CYRIA: variants seen among roughly 807,000 people sequenced by gnomAD.
The protein encoded by CYRIA is CYFIP-related Rac1 interactor A.
Under a neutral mutation model 43.9 loss-of-function variants are expected in CYRIA, and 15 were observed. That is an observed-to-expected ratio of 0.34 (90% confidence interval 0.23 to 0.53). The LOEUF is 0.53. Among genes scored for constraint, CYRIA ranks in the 20% least tolerant of loss-of-function variants. CYRIA has a pLI of 0.94. For synonymous variants in CYRIA, 117 were observed against 136.0 expected (o/e 0.86, Z 0.97); for missense variants, 236 against 394.2 (o/e 0.60, Z 3.40).
intron 1 of CYRIA, among the ~76,000 whole-genome samples, chr2:16,624,932 G>C (rs1669110930): frequency 6.6e-6 from 1 of 152,212 alleles, no homozygotes; most frequent in South Asian, 2.1e-4. Context: ...ATGATCTACA[G>C]AGTCAAAAAG....
At chr2:16,627,242 C>T (rs1191674159) in intron 1 of CYRIA, among the ~76,000 whole-genome samples, 2 of 151,052 alleles carry the variant, frequency 1.3e-5, no homozygotes, top group African/African-American at 4.9e-5. Flanking sequence ...GCCGAAAGGG[C>T]CCCAAAGACT....
At chr2:16,621,376 A>G (rs993281083) in intron 2 of CYRIA, among the ~76,000 whole-genome samples, 1 of 152,192 alleles carries the variant, frequency 6.6e-6, no homozygotes, top group Admixed American at 6.5e-5. Flanking sequence ...AGAAACCTTG[A>G]TAGCACCAGG....
At chr2:16,568,735 A>T (rs1166671478) in intron 3 of CYRIA, among the ~76,000 whole-genome samples, 3 of 152,224 alleles carry the variant, frequency 2.0e-5, no homozygotes, top group Non-Finnish European at 2.9e-5. Flanking sequence ...TCAGTGACCA[A>T]GATTCTCAGG....
intron 2 of CYRIA, among the ~76,000 whole-genome samples, chr2:16,617,894 G>A (rs757583849): frequency 7.9e-5 from 12 of 152,180 alleles, no homozygotes; most frequent in Non-Finnish European, 1.8e-4. Context: ...GAAGGGAGGA[G>A]GGCTGACCAA....
intron 1 of CYRIA, among the ~76,000 whole-genome samples, chr2:16,628,018 G>A (rs1572187750): frequency 6.6e-6 from 1 of 152,188 alleles, no homozygotes; most frequent in South Asian, 2.1e-4. Context: ...CACCAGCAGT[G>A]CACACATGCC....
At chr2:16,630,874 A>C (rs1669311530) in intron 1 of CYRIA, among the ~76,000 whole-genome samples, 1 of 152,188 alleles carries the variant, frequency 6.6e-6, no homozygotes, top group Admixed American at 6.5e-5. Flanking sequence ...GGCACACCTT[A>C]AGCAGGTTTG....
chr2:16,588,442 A>AAC (rs1252568032), intron 2 of CYRIA, among the ~76,000 whole-genome samples: 10 of 151,630 alleles, frequency 6.6e-5, no homozygotes, highest in African/African-American at 2.2e-4. Flanking sequence ...AAAAAAAAAA[A>AAC]CATAAAGAAC....
chr2:16,621,584 C>G (rs1668996803), intron 2 of CYRIA, among the ~76,000 whole-genome samples: 1 of 152,208 alleles, frequency 6.6e-6, no homozygotes, highest in Non-Finnish European at 1.5e-5. Flanking sequence ...TCGCTTCATT[C>G]CACAGGCTCC....
intron 1 of CYRIA, among the ~76,000 whole-genome samples, chr2:16,637,919 C>T (rs1005208005): frequency 6.6e-6 from 1 of 152,176 alleles, no homozygotes; most frequent in Non-Finnish European, 1.5e-5. Context: ...GTGTCCTTCA[C>T]CAGGGACTGT....
At chr2:16,599,994 G>A (rs929999742) in intron 2 of CYRIA, among the ~76,000 whole-genome samples, 7 of 152,144 alleles carry the variant, frequency 4.6e-5, no homozygotes, top group African/African-American at 1.7e-4. Context: ...GACCTCAGGT[G>A]ATCCACCCGC....
chr2:16,598,382 A>T (rs1668084560), intron 2 of CYRIA, among the ~76,000 whole-genome samples: 1 of 88,540 alleles, frequency 1.1e-5, no homozygotes, highest in Non-Finnish European at 2.0e-5. Flanking sequence ...TCAGACGTAG[A>T]TTTGGTCTTT....
chr2:16,584,799 G>A (rs1218752712), intron 3 of CYRIA, among the ~76,000 whole-genome samples: 1 of 151,986 alleles, frequency 6.6e-6, no homozygotes, highest in Non-Finnish European at 1.5e-5. Context: ...CCCTATCTGT[G>A]CCTGTAGAAA....
chr2:16,558,658 A>G (rs936366798), intron 10 of CYRIA, among the ~76,000 whole-genome samples: 7 of 152,192 alleles, frequency 4.6e-5, no homozygotes, highest in African/African-American at 1.7e-4. Context: ...TGTGTTTTCA[A>G]TTATCTTCAT....
intron 2 of CYRIA, among the ~76,000 whole-genome samples, chr2:16,603,496 C>A (rs1263782327): frequency 6.6e-6 from 1 of 152,166 alleles, no homozygotes; most frequent in African/African-American, 2.4e-5. Flanking sequence ...TTCCCCCACA[C>A]TTCCTTTGAA....
In CYRIA at chr2:16,617,114, T is replaced by C. The variant is rs537607021; in HGVS notation, c.-11+6750A>G. Reference sequence around the variant, plus strand: ...ACACATTACAGCAACTGAAGACAGTTGATAGATGGCTGTTCCCCTTCTTCC... The same window carrying C: ...ACACATTACAGCAACTGAAGACAGTCGATAGATGGCTGTTCCCCTTCTTCC... On this transcript the variant is annotated intron_variant, in intron 2 of 11. Transcript: ENST00000381323. 1.1e-4 allele frequency among the ~76,000 whole-genome samples: 16 copies of C among 152,352 alleles called. No homozygotes were observed. The South Asian group carries it at 3.3e-3, about 32-fold the overall frequency.
chr2:16,653,240 C>G (rs1318599721), intron 1 of CYRIA, among the ~76,000 whole-genome samples: 2 of 152,196 alleles, frequency 1.3e-5, no homozygotes, highest in African/African-American at 4.8e-5. Flanking sequence ...GACCCCATGG[C>G]CTGCAACCGG....
In CYRIA at chr2:16,552,788, C is replaced by T. The variant is rs1666360198; in HGVS notation, c.*148G>A. On this transcript the variant is annotated 3_prime_UTR_variant, in exon 12 of 12. Transcript: ENST00000381323. ...TTATGCTCTGCTGGGTTGAGTCAGT[C>T]AGGATACAAATTAAGGTCCATATAT... The T allele has an allele frequency of 1.7e-6, 1 of 601,622 alleles. No individual in the cohort carries two copies. Among genetic ancestry groups the T allele is most frequent in the Non-Finnish European group, 3.0e-6 (1 of 335,434 alleles). The allele number at this position is 601,622 out of a possible 1,614,324, so 37.3% of individuals were successfully genotyped here. A position where few individuals can be genotyped will look rare whatever the true frequency, so the allele number is the denominator to read the frequency against.
intron 2 of CYRIA, among the ~76,000 whole-genome samples, chr2:16,619,458 T>C (rs928183773): frequency 3.3e-5 from 5 of 152,076 alleles, no homozygotes; most frequent in African/African-American, 1.2e-4. Context: ...AAAGGGAAGG[T>C]AGCAGGGGAA....
At chr2:16,561,732 G>A (rs367590109) in intron 6 of CYRIA, among the ~76,000 whole-genome samples, 199 bp from the exon 7 acceptor site, 12 of 152,270 alleles carry the variant, frequency 7.9e-5, no homozygotes, top group African/African-American at 2.9e-4. Context: ...AGATTTCAGG[G>A]AAAGTATATT....
Sources: gnomAD v4.1 joint callset for allele counts (sites outside exome capture counted in the v4.1 genomes callset) on GRCh38, gnomAD v4.1.1 for gene constraint, MANE v1.5 for transcripts, NCBI Gene and HGNC (gene_info 2026-07-23, HGNC 2026-07-21) for gene names.